Variants in NAA60 observed in about 807,000 individuals in gnomAD.
NAA60 encodes N-alpha-acetyltransferase 60, NatF catalytic subunit.
In NAA60, 8 loss-of-function variants were observed where a neutral mutation model predicts 26.1. That is an observed-to-expected ratio of 0.31 (90% CI 0.18 to 0.55). The LOEUF is 0.55. Ranked by LOEUF, NAA60 falls within the 20% of genes least tolerant of loss-of-function variation. The pLI is 0.93. For synonymous variants in NAA60, 131 were observed against 122.5 expected (o/e 1.07, Z -0.46); for missense variants, 290 against 311.3 (o/e 0.93, Z 0.51).
intron 2 of NAA60, chr16:3,458,129 C>T (rs1271252931): frequency 1.0e-6 from 1 of 985,148 alleles, no homozygotes; most frequent in African/African-American, 1.7e-5. Context: ...CCTTCGCCTC[C>T]AGGATGCGCT....
At chr16:3,475,239 G>A (rs148507864) in intron 2 of NAA60, among the ~76,000 whole-genome samples, 10 of 152,122 alleles carry the variant, frequency 6.6e-5, no homozygotes, top group African/African-American at 2.4e-4. Flanking sequence ...ACAGTTGCCC[G>A]CCACCAAGCC....
intron 1 of NAA60, among the ~76,000 whole-genome samples, chr16:3,445,157 A>G (rs2034497790): frequency 6.6e-6 from 1 of 152,200 alleles, no homozygotes; most frequent in South Asian, 2.1e-4. Flanking sequence ...AGTCCAAAGC[A>G]TATATGTTGA....
chr16:3,445,438 TA>T (rs2034513594), intron 1 of NAA60, among the ~76,000 whole-genome samples: 1 of 151,728 alleles, frequency 6.6e-6, no homozygotes, highest in African/African-American at 2.4e-5. Flanking sequence ...CACGTCCGGC[TA>T]ATTTTTTTTT....
At chr16:3,479,732 C>T (rs532827184) in intron 4 of NAA60, 132 bp downstream of exon 4, 1 of 992,688 alleles carries the variant, frequency 1.0e-6, no homozygotes, top group Non-Finnish European at 1.5e-6. Flanking sequence ...ATCCAAGTGG[C>T]CAACGACACT....
chr16:3,479,103 G>C (rs1013699443), intron 3 of NAA60, among the ~76,000 whole-genome samples: 2 of 152,066 alleles, frequency 1.3e-5, no homozygotes, highest in South Asian at 2.1e-4. Context: ...AGCCGGGCGT[G>C]GTGGCACATA....
intron 2 of NAA60, chr16:3,458,078 A>T: frequency 1.0e-6 from 1 of 985,296 alleles, no homozygotes; most frequent in East Asian, 1.1e-4. Flanking sequence ...TGCCGGTTAC[A>T]TAACTCGTTG....
chr16:3,459,676 G>A (rs2035247494), intron 2 of NAA60, among the ~76,000 whole-genome samples: 1 of 152,202 alleles, frequency 6.6e-6, no homozygotes, highest in African/African-American at 2.4e-5. Context: ...GTGGGTTTCT[G>A]TGACAATGGT....
intron 2 of NAA60, among the ~76,000 whole-genome samples, chr16:3,449,497 G>C (rs776302352): frequency 2.0e-4 from 30 of 151,950 alleles, no homozygotes; most frequent in Admixed American, 2.0e-3. Context: ...CAGACTGGGC[G>C]ACAGAGCAAG....
In NAA60 at chr16:3,443,754, C is replaced by T. The variant is rs1325831219; in HGVS notation, c.-160C>T. The T allele has an allele frequency of 3.9e-6, 6 of 1,532,282 alleles. No individual in the cohort carries two copies. The highest frequency in any genetic ancestry group is 2.7e-5 in the African/African-American group (2 of 72,908). The allele number at this position is 1,532,282 out of a possible 1,614,324, so 94.9% of individuals were successfully genotyped here. A position where few individuals can be genotyped will look rare whatever the true frequency, so the allele number is the denominator to read the frequency against. The stretch of plus-strand genomic sequence containing the variant: ...GCTGAAGTAGAGTCTTAGGGTGACC[C>T]CAGGGGGACGTAATGTTTCCGAGAA... On this transcript the variant is annotated 5_prime_UTR_variant, in exon 1 of 8. Coordinates refer to ENST00000407558, the MANE Select transcript of NAA60 (RefSeq NM_001083601.3).
chr16:3,478,733 C>T (rs926603292), intron 3 of NAA60, among the ~76,000 whole-genome samples: 1 of 152,162 alleles, frequency 6.6e-6, no homozygotes, highest in Non-Finnish European at 1.5e-5. Flanking sequence ...AACTCAAACG[C>T]CTGTCAGCTG....
intron 3 of NAA60, among the ~76,000 whole-genome samples, chr16:3,477,557 T>C (rs1567393390): frequency 6.6e-6 from 1 of 151,222 alleles, no homozygotes; most frequent in South Asian, 2.1e-4. Flanking sequence ...TCCCAGCACT[T>C]TGGGAGGCCA....
chr16:3,481,307 C>G (rs1324071975), intron 4 of NAA60, among the ~76,000 whole-genome samples: 3 of 152,158 alleles, frequency 2.0e-5, no homozygotes, highest in African/African-American at 7.2e-5. Context: ...CCATGCTGAT[C>G]TGGAATCCCT....
chr16:3,470,441 A>C (rs542880905), intron 2 of NAA60, among the ~76,000 whole-genome samples: 1 of 152,312 alleles, frequency 6.6e-6, no homozygotes, highest in South Asian at 2.1e-4. Context: ...GGGACCCCAG[A>C]AGTGAAATGA....
intron 2 of NAA60, among the ~76,000 whole-genome samples, chr16:3,473,342 T>C (rs890666512): frequency 6.6e-6 from 1 of 152,138 alleles, no homozygotes; most frequent in Non-Finnish European, 1.5e-5. Context: ...CTCACAATCA[T>C]GGCAGAAGGC....
Position 3,476,403 on chromosome 16 carries a change from G to T in NAA60, c.110+66G>T, listed in dbSNP as rs898183118. 17 of 1,363,034 alleles carry T rather than the reference G, an allele frequency of 1.2e-5. 1 individual carries two copies. Among genetic ancestry groups the T allele is most frequent in the Non-Finnish European group, 1.6e-5 (16 of 972,936 alleles). The allele number at this position is 1,363,034 out of a possible 1,614,324, so 84.4% of individuals were successfully genotyped here. A position where few individuals can be genotyped will look rare whatever the true frequency, so the allele number is the denominator to read the frequency against. Reference sequence around the variant, plus strand: ...CCTCAGGTGCAGAAGCTGGGCGGCGGGGGTGGGGGCCTCTTGGGCCCTTAG... The same window carrying T: ...CCTCAGGTGCAGAAGCTGGGCGGCGTGGGTGGGGGCCTCTTGGGCCCTTAG... On this transcript the variant is annotated intron_variant, in intron 3 of 7. Transcript: ENST00000407558.
chr16:3,484,968 G>T lies in NAA60; in HGVS notation c.*113G>T. On this transcript the variant is annotated 3_prime_UTR_variant, in exon 7 of 8. Transcript: ENST00000407558. ...CAAGGAGCTGCCAGCCATCTAACTG[G>T]GCTCGTCGGCCTGCCCCAGCTGCAG... 1 of 1,530,506 alleles carries T rather than the reference G, an allele frequency of 6.5e-7. No homozygotes were observed. Among genetic ancestry groups the T allele is most frequent in the South Asian group, 1.2e-5 (1 of 83,916 alleles). 94.8% of individuals were successfully genotyped at this position (1,530,506 alleles called of 1,614,324 possible).
chr16:3,455,658 G>A (rs1037541817), intron 2 of NAA60, among the ~76,000 whole-genome samples: 2 of 152,056 alleles, frequency 1.3e-5, no homozygotes, highest in African/African-American at 4.8e-5. Context: ...GCCTCCCAAA[G>A]TGCTGGGATT....
At chr16:3,454,980 T>G (rs2034919311) in intron 2 of NAA60, among the ~76,000 whole-genome samples, 1 of 152,236 alleles carries the variant, frequency 6.6e-6, no homozygotes, top group African/African-American at 2.4e-5. Flanking sequence ...AATGAGATCT[T>G]GCATAACATG....
chr16:3,483,678 G>A, intron 6 of NAA60, 81 bp downstream of exon 6: 1 of 1,086,422 alleles, frequency 9.2e-7, no homozygotes. Context: ...TGGAGCTGTG[G>A]TCCCCCTCAG....
Sources: allele counts gnomAD v4.1 joint callset (sites outside exome capture counted in the v4.1 genomes callset), GRCh38; gene constraint gnomAD v4.1.1; transcripts MANE v1.5; gene names NCBI Gene and HGNC (gene_info 2026-07-23, HGNC 2026-07-21).